The following HIRA variants were observed in gnomAD, a reference collection of about 807,000 sequenced individuals.
The protein encoded by HIRA is protein HIRA.
In HIRA, 13 loss-of-function variants were observed where a neutral mutation model predicts 126.6. The ratio of observed to expected loss-of-function variants is 0.10; its 90% CI spans 0.07 to 0.16. The LOEUF is 0.16. Ranked by LOEUF, HIRA falls within the 10% of genes least tolerant of loss-of-function variation. The pLI is 1.00. For missense variants in HIRA, 834 were observed against 1,314.4 expected, an observed-to-expected ratio of 0.63 and a Z score of 5.65; for synonymous variants, 511 against 520.0, an observed-to-expected ratio of 0.98 and a Z score of 0.24.
Position 19,385,608 on chromosome 22 carries a change from G to A in HIRA, c.1242C>T (p.Asp414=). The A allele has an allele frequency of 6.2e-7, 1 of 1,614,188 alleles. No homozygotes were observed. The highest frequency in any genetic ancestry group is 2.2e-5 in the East Asian group (1 of 44,888). ...YQRRQQQQQL[D]QKSAATREMG... ...TCTCCCTGGTCGCAGCACTCTTCTGGTCCAGCTGCTGCTGCTGCTGCCTTC... is the reference window on the plus strand; with the variant it reads ...TCTCCCTGGTCGCAGCACTCTTCTGATCCAGCTGCTGCTGCTGCTGCCTTC... The change falls in exon 12 of 25, where the codon GAC becomes GAT. Residue 414 remains aspartate, a synonymous_variant. Coordinates refer to ENST00000263208, the MANE Select transcript of HIRA (RefSeq NM_003325.4).
At chr22:19,405,904 G>C (rs770931338) in intron 4 of HIRA, 24 bp from the exon 5 acceptor site, 1 of 1,437,834 alleles carries the variant, frequency 7.0e-7, no homozygotes, top group Non-Finnish European at 9.2e-7. Flanking sequence ...GGGCCAAAAA[G>C]GCACTCATGG....
intron 12 of HIRA, 140 bp from the exon 13 acceptor site, chr22:19,383,845 C>A (rs1159988651): frequency 1.6e-6 from 1 of 642,980 alleles, no homozygotes; most frequent in East Asian, 2.8e-5. Context: ...TTTAAGTATG[C>A]AATATCATAT....
At chr22:19,350,426 A>G (rs2088743406) in intron 24 of HIRA, among the ~76,000 whole-genome samples, 1 of 152,146 alleles carries the variant, frequency 6.6e-6, no homozygotes, top group South Asian at 2.1e-4. Context: ...TACCTTCTTG[A>G]TTTAATGAAT....
At chr22:19,341,332 C>T (rs1250810259) in intron 24 of HIRA, among the ~76,000 whole-genome samples, 1 of 151,778 alleles carries the variant, frequency 6.6e-6, no homozygotes, top group Non-Finnish European at 1.5e-5. Context: ...ATGCTGTAGT[C>T]CCAGCTACTC....
chr22:19,423,409 A>G (rs2089463229), intron 1 of HIRA, among the ~76,000 whole-genome samples: 1 of 151,872 alleles, frequency 6.6e-6, no homozygotes, highest in Non-Finnish European at 1.5e-5. Flanking sequence ...GCTCCTCAAG[A>G]GCCTGGCATG....
intron 15 of HIRA, among the ~76,000 whole-genome samples, chr22:19,370,713 G>C (rs1024287728): frequency 2.6e-4 from 39 of 152,208 alleles, no homozygotes; most frequent in African/African-American, 9.4e-4. Context: ...CCCAACCTGA[G>C]AATTCAGCAC....
At chr22:19,357,431 C>A (rs782486105) in intron 18 of HIRA, among the ~76,000 whole-genome samples, 12 of 152,176 alleles carry the variant, frequency 7.9e-5, no homozygotes, top group Non-Finnish European at 1.6e-4. Context: ...ACTAGTCAGA[C>A]CAGTCCTGAG....
intron 23 of HIRA, 128 bp downstream of exon 23, chr22:19,353,228 A>G (rs1369859370): frequency 3.5e-6 from 4 of 1,139,394 alleles, no homozygotes; most frequent in African/African-American, 1.5e-5. Flanking sequence ...CCTTGACTGC[A>G]GCTCAGGCTG....
intron 17 of HIRA, 81 bp downstream of exon 17, chr22:19,361,156 C>T (rs763444877): frequency 1.2e-5 from 13 of 1,079,836 alleles, no homozygotes; most frequent in Non-Finnish European, 1.8e-5. Flanking sequence ...AAGGAAGTGA[C>T]AAGATAGGAT....
At chr22:19,426,318 A>C (rs2089488024) in intron 1 of HIRA, among the ~76,000 whole-genome samples, 1 of 152,190 alleles carries the variant, frequency 6.6e-6, no homozygotes. Flanking sequence ...AGCTGCTGGC[A>C]AGGCTCTGCC....
chr22:19,331,581 G>C, intron 24 of HIRA, 25 bp from the exon 25 acceptor site: 1 of 1,564,438 alleles, frequency 6.4e-7, no homozygotes, highest in Non-Finnish European at 8.7e-7. Context: ...TGACAGCTGA[G>C]TGCAAGTGTC....
intron 24 of HIRA, among the ~76,000 whole-genome samples, chr22:19,345,257 T>C (rs1452377617): frequency 2.0e-5 from 3 of 152,224 alleles, no homozygotes; most frequent in Admixed American, 6.5e-5. Flanking sequence ...GAAAAACTAC[T>C]ATAAACAAAG....
intron 24 of HIRA, among the ~76,000 whole-genome samples, chr22:19,341,535 C>T (rs568482966): frequency 6.6e-6 from 1 of 151,100 alleles, no homozygotes; most frequent in Non-Finnish European, 1.5e-5. Context: ...TCACATTACC[C>T]GACATCAAAC....
rs146925362 is a variant in HIRA, at chr22:19,404,561, G to A, written c.397+1225C>T. 3.9e-5 allele frequency among the ~76,000 whole-genome samples: 6 copies of A among 152,254 alleles called. No individual in the cohort carries two copies. In the East Asian group the frequency reaches 9.6e-4, roughly 24 times the overall value. On this transcript the variant is annotated intron_variant, in intron 5 of 24. Coordinates refer to ENST00000263208, the MANE Select transcript of HIRA (RefSeq NM_003325.4). ...CAATCTATGGCCGCCACCAAGATGG[G>A]TTTGTTCTCCTTTTAACAGTCTACA...
chr22:19,362,171 A>G lies in HIRA; in HGVS notation c.1776-240T>C, dbSNP rs12628436. Among the ~76,000 whole-genome samples, 1,158 of 152,348 alleles carry G rather than the reference A, an allele frequency of 7.6e-3. 28 individuals are homozygous for G. The highest frequency in any genetic ancestry group is 0.069 in the East Asian group (357 of 5,186). ...AAGAAATGTTAAAAGTCTTTCAGAGAGAAGATAAATGATGCAGGCCAGAAA... is the reference window on the plus strand; with the variant it reads ...AAGAAATGTTAAAAGTCTTTCAGAGGGAAGATAAATGATGCAGGCCAGAAA... On this transcript the variant is annotated intron_variant, in intron 15 of 24. Transcript: ENST00000263208.
At chr22:19,403,553 AGT>A (rs2089286407) in intron 5 of HIRA, among the ~76,000 whole-genome samples, 1 of 152,210 alleles carries the variant, frequency 6.6e-6, no homozygotes, top group Admixed American at 6.5e-5. Flanking sequence ...TGGAGGTTGC[AGT>A]GAGCTGAGAT....
intron 1 of HIRA, among the ~76,000 whole-genome samples, chr22:19,420,482 C>A (rs1475660895): frequency 0.033 from 3,638 of 109,908 alleles, 96 homozygotes; most frequent in South Asian, 0.12. Context: ...AAAAAAAAAA[C>A]CAAACCAAAA....
chr22:19,402,387 T>A (rs1328215498), intron 5 of HIRA, among the ~76,000 whole-genome samples: 2 of 152,236 alleles, frequency 1.3e-5, no homozygotes, highest in Non-Finnish European at 2.9e-5. Flanking sequence ...AACTAATTCA[T>A]TTCTTGGTAA....
intron 3 of HIRA, among the ~76,000 whole-genome samples, chr22:19,407,558 C>A (rs766575749): frequency 5.9e-5 from 9 of 152,036 alleles, no homozygotes; most frequent in Non-Finnish European, 7.4e-5. Flanking sequence ...CTAAGAAAAT[C>A]AAAAAATGAT....
Sources: gnomAD v4.1 joint callset for allele counts (sites outside exome capture counted in the v4.1 genomes callset) on GRCh38, gnomAD v4.1.1 for gene constraint, MANE v1.5 for transcripts, NCBI Gene and HGNC (gene_info 2026-07-23, HGNC 2026-07-21) for gene names.